PPP1R12C: variants seen among roughly 807,000 people sequenced by gnomAD.
The protein encoded by PPP1R12C is protein phosphatase 1 regulatory subunit 12C, also known as leukocyte receptor cluster (LRC) encoded novel gene 3.
Under a neutral mutation model 95.6 loss-of-function variants are expected in PPP1R12C, and 48 were observed. The observed-to-expected ratio is 0.50, with a 90% CI of 0.40 to 0.64. The LOEUF is 0.64. Ranked by LOEUF, PPP1R12C falls within the 30% of genes least tolerant of loss-of-function variation. The pLI is 0.00. For synonymous variants in PPP1R12C, 480 were observed against 460.8 expected (o/e 1.04, Z -0.53); for missense variants, 1,057 against 1,083.3 (o/e 0.98, Z 0.34).
At chr19:55,095,167 G>A (rs1275731630) in intron 11 of PPP1R12C, 124 bp downstream of exon 11, 1 of 1,110,660 alleles carries the variant, frequency 9.0e-7, no homozygotes, top group Non-Finnish European at 1.3e-6. Flanking sequence ...ACACAGCACA[G>A]GCTCTGGAGT....
rs572969949 is a variant in PPP1R12C, at chr19:55,113,646, A to G, written c.322-851T>C. The G allele has an allele frequency of 6.9e-5, 85 of 1,233,170 alleles. No homozygotes were observed. The African/African-American group carries it at 1.2e-3, about 18-fold the overall frequency. The allele number at this position is 1,233,170 out of a possible 1,614,324, so 76.4% of individuals were successfully genotyped here. A position where few individuals can be genotyped will look rare whatever the true frequency, so the allele number is the denominator to read the frequency against. On this transcript the variant is annotated intron_variant, in intron 1 of 21. Transcript: ENST00000263433. ...AGCTAAACTCCTAGATCCACGGGAT[A>G]AATTACCCCCCAAGTCCCTCACCTC...
chr19:55,094,889 C>A, intron 11 of PPP1R12C, 91 bp from the exon 12 acceptor site: 1 of 1,409,644 alleles, frequency 7.1e-7, no homozygotes, highest in Non-Finnish European at 9.7e-7. Context: ...AACAAATTAT[C>A]TGGGCCACAA....
At chr19:55,108,661 T>C (rs937203242) in intron 3 of PPP1R12C, among the ~76,000 whole-genome samples, 43 of 152,316 alleles carry the variant, frequency 2.8e-4, no homozygotes, top group African/African-American at 8.2e-4. Context: ...TCACTTAGCA[T>C]AATGTCCTCA....
At chr19:55,095,662 G>C in intron 9 of PPP1R12C, 59 bp from the exon 10 acceptor site, 1 of 1,510,342 alleles carries the variant, frequency 6.6e-7, no homozygotes, top group Admixed American at 2.2e-5. Context: ...AGACCTCAAG[G>C]GTTAGCCCCC....
chr19:55,096,223 C>T, intron 7 of PPP1R12C, 39 bp downstream of exon 7: 1 of 1,613,370 alleles, frequency 6.2e-7, no homozygotes, highest in Non-Finnish European at 8.5e-7. Flanking sequence ...CCGGGGCCTC[C>T]AGCCACCCCG....
intron 6 of PPP1R12C, among the ~76,000 whole-genome samples, 153 bp downstream of exon 6, chr19:55,098,631 G>C (rs2084948086): frequency 6.6e-6 from 1 of 152,162 alleles, no homozygotes; most frequent in Admixed American, 6.5e-5. Flanking sequence ...TCTCTCCTGA[G>C]GCTGGGGCTG....
At chr19:55,094,608 C>T (rs901087310) in intron 12 of PPP1R12C, 53 bp downstream of exon 12, 2 of 1,534,626 alleles carry the variant, frequency 1.3e-6, no homozygotes, top group Non-Finnish European at 1.7e-6. Context: ...TGCTTCACAT[C>T]GTCTCTCCCT....
chr19:55,117,110 A>C, intron 1 of PPP1R12C, 113 bp downstream of exon 1: 1 of 961,486 alleles, frequency 1.0e-6, no homozygotes, highest in Non-Finnish European at 1.3e-6. Flanking sequence ...GGCAAAGCCC[A>C]GGGCCAGGAA....
chr19:55,092,037 C>T (rs2147175268), intron 19 of PPP1R12C, 128 bp from the exon 20 acceptor site: 4 of 1,267,414 alleles, frequency 3.2e-6, no homozygotes, highest in South Asian at 1.3e-5. Context: ...ACGGGCCAGG[C>T]CCCGCCACCG....
rs2084911272 is a variant in PPP1R12C, at chr19:55,096,250, CCCT to C, written c.1025+9_1025+11del. 6.2e-7 allele frequency: 1 copy of C among 1,613,796 alleles called. No individual in the cohort carries two copies. Among genetic ancestry groups the C allele is most frequent in the Non-Finnish European group, 8.5e-7 (1 of 1,179,942 alleles). On this transcript the variant is annotated intron_variant, in intron 7 of 21. Coordinates refer to ENST00000263433, the MANE Select transcript of PPP1R12C (RefSeq NM_017607.4). ...GCCACCCCGCCAGCCCTGGACTCCTCCCTCCCTATACCTTCTGTGTTTGCTGCT... is the reference window on the plus strand; with the variant it reads ...GCCACCCCGCCAGCCCTGGACTCCTCCCCTATACCTTCTGTGTTTGCTGCT...
At chr19:55,103,268 A>G (rs2084997757) in intron 4 of PPP1R12C, 141 bp downstream of exon 4, 7 of 755,258 alleles carry the variant, frequency 9.3e-6, no homozygotes, top group Non-Finnish European at 7.6e-6. Flanking sequence ...AAGACTGCAC[A>G]TCAAAACTTG....
chr19:55,097,914 G>A (rs1416842290), intron 6 of PPP1R12C, among the ~76,000 whole-genome samples: 1 of 151,946 alleles, frequency 6.6e-6, no homozygotes, highest in Non-Finnish European at 1.5e-5. Context: ...CCTGGCACTC[G>A]TGGCCCTCCC....
At chr19:55,112,435 C>G in intron 3 of PPP1R12C, 32 bp downstream of exon 3, 14 of 1,582,542 alleles carry the variant, frequency 8.8e-6, no homozygotes, top group African/African-American at 1.3e-5. Flanking sequence ...AGGAGGTGTC[C>G]CCCACCCCAC....
intron 3 of PPP1R12C, among the ~76,000 whole-genome samples, chr19:55,110,399 G>A (rs1056262983): frequency 1.4e-5 from 2 of 147,274 alleles, no homozygotes; most frequent in South Asian, 4.5e-4. Flanking sequence ...GTGGGTGAGA[G>A]TGTAGCATCA....
rs1474528297 is a variant in PPP1R12C, at chr19:55,091,675, G to A, written c.2237C>T (p.Ala746Val). 2 of 1,613,122 alleles carry A rather than the reference G, an allele frequency of 1.2e-6. No individual in the cohort carries two copies. Among genetic ancestry groups the A allele is most frequent in the East Asian group, 2.2e-5 (1 of 44,808 alleles). Reference sequence around the variant, plus strand: ...CTTCAGCTCCTCCTCCAGCTCTGCGGCCTTGCGTTCCAGGGCCCTGCGCTC... The same window carrying A: ...CTTCAGCTCCTCCTCCAGCTCTGCGACCTTGCGTTCCAGGGCCCTGCGCTC... ...RFERRALERKAAELEEELKAL... is the reference protein window; with the variant it reads ...RFERRALERKVAELEEELKAL... Residue 746 changes from alanine to valine, a missense_variant, in exon 21 of 22, where the codon GCC (alanine) becomes GTC (valine). Ala to Val is a moderately conservative substitution (Grantham distance 64). Transcript: ENST00000263433.
chr19:55,103,169 G>A (rs1186571824), intron 4 of PPP1R12C, among the ~76,000 whole-genome samples: 11 of 152,144 alleles, frequency 7.2e-5, no homozygotes, highest in Non-Finnish European at 7.3e-5. Context: ...ACTCCAGCCT[G>A]GGTGACATAG....
chr19:55,091,322 C>T lies in PPP1R12C; in HGVS notation c.*150G>A. The T allele has an allele frequency of 1.2e-6, 1 of 852,234 alleles. No individual in the cohort carries two copies. Among genetic ancestry groups the T allele is most frequent in the Non-Finnish European group, 1.8e-6 (1 of 555,058 alleles). 52.8% of individuals were successfully genotyped at this position (852,234 alleles called of 1,614,324 possible). On this transcript the variant is annotated 3_prime_UTR_variant, in exon 22 of 22. Transcript: ENST00000263433. ...GGGTGGCCCCCTCGGCTCCTGGGGA[C>T]TCTGCTCCCCTCCCAGTCCGGAGGT...
rs2085073633 is a variant in PPP1R12C, at chr19:55,109,593, C to T, written c.571+2874G>A. The stretch of plus-strand genomic sequence containing the variant: ...AACCCCAGACCCAGAGAGAGGAAAA[C>T]AGCAAGTAAGCCAGGGAAAGCGAAG... On this transcript the variant is annotated intron_variant, in intron 3 of 21. Coordinates refer to ENST00000263433, the MANE Select transcript of PPP1R12C (RefSeq NM_017607.4). This position sits in a 1 kb window ranked among gnomAD's most constrained non-coding sequence, Gnocchi z 4.4. 6.6e-6 allele frequency among the ~76,000 whole-genome samples: 1 copy of T among 152,240 alleles called. No individual in the cohort carries two copies. The highest frequency in any genetic ancestry group is 2.4e-5 in the African/African-American group (1 of 41,462).
At chr19:55,114,746 G>A (rs1455224533) in intron 1 of PPP1R12C, 1 of 152,290 alleles carries the variant, frequency 6.6e-6, no homozygotes, top group African/African-American at 2.4e-5. Context: ...ACCCCGAAGA[G>A]TGAGTTTGCC....
Sources: allele counts gnomAD v4.1 joint callset (sites outside exome capture counted in the v4.1 genomes callset), GRCh38; gene constraint gnomAD v4.1.1; non-coding constraint Gnocchi (gnomAD v3.1); transcripts MANE v1.5; gene names NCBI Gene and HGNC (gene_info 2026-07-23, HGNC 2026-07-21).